USF1: variants seen among roughly 807,000 people sequenced by gnomAD.
USF1 encodes the protein upstream transcription factor 1.
In USF1, 22 loss-of-function variants were observed where a neutral mutation model predicts 46.3. The ratio of observed to expected loss-of-function variants is 0.47; its 90% CI spans 0.34 to 0.68. The LOEUF (loss-of-function observed/expected upper bound fraction) is 0.68, where lower values mean the gene tolerates loss of function less well. Among genes scored for constraint, USF1 ranks in the 30% least tolerant of loss-of-function variants. The probability of loss-of-function intolerance (pLI) is 0.01; values close to 1 mark genes in which losing one functional copy is unlikely to be tolerated. For missense variants in USF1, 287 were observed against 399.3 expected, an observed-to-expected ratio of 0.72 and a Z score of 2.40; for synonymous variants, 150 against 147.0, an observed-to-expected ratio of 1.02 and a Z score of -0.15.
At position 161,039,293 on chromosome 1, in the gene USF1, AAAAAAAAGAAAAG is replaced by A. The variant is rs1650407165; in HGVS notation, c.*614_*626del. 5.9e-6 allele frequency: 1 copy of A among 168,826 alleles called. No homozygotes were observed. The highest frequency in any genetic ancestry group is 1.2e-5 in the Non-Finnish European group (1 of 82,200). 10.5% of individuals were successfully genotyped at this position (168,826 alleles called of 1,614,324 possible). On this transcript the variant is annotated 3_prime_UTR_variant, in exon 11 of 11. Coordinates refer to ENST00000368021, the MANE Select transcript of USF1 (RefSeq NM_007122.5). ...ATCTTAAAAAAAAAAAAAAAAAAAAAAAAAAAAGAAAAGAAAAAAAAAAAACGACCCCCACAAG... is the reference window on the plus strand; with the variant it reads ...ATCTTAAAAAAAAAAAAAAAAAAAAAAAAAAAAAAAAACGACCCCCACAAG...
intron 1 of USF1, among the ~76,000 whole-genome samples, chr1:161,044,215 T>C (rs1650702577): frequency 6.6e-6 from 1 of 152,202 alleles, no homozygotes; most frequent in Non-Finnish European, 1.5e-5. Flanking sequence ...AGTGCTTGGA[T>C]TACAGGCATG....
Position 161,040,838 on chromosome 1 carries a change from T to C in USF1, c.595A>G (p.Lys199Glu). ...SEAPRTTRDE[K>E]RRAQHNEVER... ...CCTTCATTATGCTGAGCCCTGCGTT[T>C]CTCATCCCGAGTCGTCCGGGGAGCT... is the stretch of plus-strand genomic sequence containing the variant. The change falls in exon 8 of 11, where the codon AAA becomes GAA. Residue 199 changes from lysine (K) to glutamate (E), a missense_variant. By Grantham distance (56) the Lys-to-Glu change is moderately conservative. Transcript: ENST00000368021. This position sits in a 1 kb window ranked among gnomAD's most constrained non-coding sequence, Gnocchi z 4.0. The C allele has an allele frequency of 6.2e-7, 1 of 1,614,110 alleles. No homozygotes were observed. Among genetic ancestry groups the C allele is most frequent in the Non-Finnish European group, 8.5e-7 (1 of 1,180,012 alleles).
At position 161,042,124 on chromosome 1, in the gene USF1, T is replaced by A; in HGVS notation, c.268A>T (p.Met90Leu). Residue 90 changes from methionine to leucine, a missense_variant, in exon 5 of 11, where the codon ATG (methionine) becomes TTG (leucine). Physicochemically the swap from Met to Leu is conservative, Grantham distance 15. Transcript: ENST00000368021. The part of the protein sequence containing the change: ...AISGYPATQS[M>L]TQAVIQGAFT... ...CAGCCCATACCCTGTACCTGGGTCA[T>A]GGATTGAGTGGCAGGGTAGCCACTG... is the stretch of plus-strand genomic sequence containing the variant. 1 of 1,613,518 alleles carries A rather than the reference T, an allele frequency of 6.2e-7. No individual in the cohort carries two copies. The highest frequency in any genetic ancestry group is 8.5e-7 in the Non-Finnish European group (1 of 1,179,704).
In USF1 at chr1:161,040,183, C is replaced by T; in HGVS notation, c.843+19G>A. 11 of 1,613,680 alleles carry T rather than the reference C, an allele frequency of 6.8e-6. No individual in the cohort carries two copies. Among genetic ancestry groups the T allele is most frequent in the Admixed American group, 3.3e-5 (2 of 59,990 alleles). On this transcript the variant is annotated intron_variant, in intron 10 of 10. Coordinates refer to ENST00000368021, the MANE Select transcript of USF1 (RefSeq NM_007122.5). This position sits in a 1 kb window ranked among gnomAD's most constrained non-coding sequence, Gnocchi z 4.0. Reference sequence around the variant, plus strand: ...GCTAGCAGAACTGAGAAGGGCTGCACTGGGGGTAGGAGTCTGACCTGTTGT... The same window carrying T: ...GCTAGCAGAACTGAGAAGGGCTGCATTGGGGGTAGGAGTCTGACCTGTTGT...
intron 6 of USF1, 100 bp from the exon 7 acceptor site, chr1:161,041,511 A>G (rs1650559867): frequency 6.7e-7 from 1 of 1,486,226 alleles, no homozygotes; most frequent in African/African-American, 1.4e-5. Context: ...GAACATGCTA[A>G]TAGAAGAGCA....
intron 2 of USF1, among the ~76,000 whole-genome samples, 169 bp downstream of exon 2, chr1:161,043,099 T>C (rs1463508085): frequency 6.6e-6 from 1 of 152,178 alleles, no homozygotes; most frequent in Non-Finnish European, 1.5e-5. Flanking sequence ...CACCACGAGA[T>C]AGATAGCACT....
rs1238773417 is a variant in USF1, at chr1:161,043,327, G to T, written c.-52C>A. 1.2e-6 allele frequency: 2 copies of T among 1,614,034 alleles called. No individual in the cohort carries two copies. The highest frequency in any genetic ancestry group is 1.1e-5 in the South Asian group (1 of 91,058). Reference sequence around the variant, plus strand: ...AACTGGTCCTTTTTTGGAGGTCTTTGTATCTCCTGATTCACAGGCCTGAGT... The same window carrying T: ...AACTGGTCCTTTTTTGGAGGTCTTTTTATCTCCTGATTCACAGGCCTGAGT... On this transcript the variant is annotated 5_prime_UTR_variant, in exon 2 of 11. Coordinates refer to ENST00000368021, the MANE Select transcript of USF1 (RefSeq NM_007122.5).
In USF1 at chr1:161,039,875, G is replaced by T; in HGVS notation, c.*45C>A. The T allele has an allele frequency of 6.3e-7, 1 of 1,599,214 alleles. No homozygotes were observed. The highest frequency in any genetic ancestry group is 8.6e-7 in the Non-Finnish European group (1 of 1,167,378). ...GGCACGGGATTAGGCTGTTGCTCCTGGGCTATCTGCAGTTCTTGGGCCCAA... is the reference window on the plus strand; with the variant it reads ...GGCACGGGATTAGGCTGTTGCTCCTTGGCTATCTGCAGTTCTTGGGCCCAA... On this transcript the variant is annotated 3_prime_UTR_variant, in exon 11 of 11. Transcript: ENST00000368021.
At chr1:161,044,015 G>C (rs559042862) in intron 1 of USF1, among the ~76,000 whole-genome samples, 4 of 134,670 alleles carry the variant, frequency 3.0e-5, no homozygotes, top group Admixed American at 8.0e-5. Flanking sequence ...GCACAATCTC[G>C]GCTTACAACC....
chr1:161,045,596 G>C (rs1013007339), intron 1 of USF1, among the ~76,000 whole-genome samples: 3 of 152,324 alleles, frequency 2.0e-5, no homozygotes, highest in Admixed American at 1.3e-4. Context: ...TCGGGGACTA[G>C]GGAGCTCAAG....
chr1:161,043,921 G>T (rs6427573), intron 1 of USF1, among the ~76,000 whole-genome samples: 2 of 146,270 alleles, frequency 1.4e-5, no homozygotes, highest in Non-Finnish European at 3.0e-5. Flanking sequence ...CACTGCACCT[G>T]GCCGAAACAA....
chr1:161,045,702 A>G (rs1043262046), intron 1 of USF1, among the ~76,000 whole-genome samples, 156 bp downstream of exon 1: 5 of 152,254 alleles, frequency 3.3e-5, no homozygotes, highest in African/African-American at 1.2e-4. Context: ...CCCACAAAGC[A>G]GGGTATGAGA....
At chr1:161,045,587 C>CG (rs1479011862) in intron 1 of USF1, among the ~76,000 whole-genome samples, 1 of 152,166 alleles carries the variant, frequency 6.6e-6, no homozygotes, top group East Asian at 1.9e-4. Flanking sequence ...GAAAGGGCCT[C>CG]GGGGACTAGG....
In USF1 at chr1:161,040,859, G is replaced by T. The variant is rs779070700; in HGVS notation, c.574C>A (p.Pro192Thr). ...CGTTTCTCATCCCGAGTCGTCCGGG[G>T]AGCTTCTGACTTCCTGACAACAGAG... ...THPYSPKSEA[P>T]RTTRDEKRRA... is the part of the protein sequence containing the mutation. The change falls in exon 8 of 11, where the codon CCC becomes ACC. Residue 192 changes from proline to threonine, a missense_variant. Transcript: ENST00000368021. The surrounding 1 kb of genome is among the most constrained non-coding windows in gnomAD (Gnocchi z 4.0). 3.0e-5 allele frequency: 49 copies of T among 1,613,960 alleles called. No individual in the cohort carries two copies. The highest frequency in any genetic ancestry group is 4.1e-5 in the Non-Finnish European group (48 of 1,180,014).
rs930791404 is a variant in USF1, at chr1:161,040,028, A to T, written c.844-19T>A. 6 of 1,614,026 alleles carry T rather than the reference A, an allele frequency of 3.7e-6. No individual in the cohort carries two copies. The Admixed American group carries it at 8.3e-5, about 22-fold the overall frequency. ...CTTCCACCTGACATGGGAAGGAGGC[A>T]GTAAAGGGAATGGGTAGTAAAGCTG... On this transcript the variant is annotated intron_variant, in intron 10 of 10. Transcript: ENST00000368021. This position sits in a 1 kb window ranked among gnomAD's most constrained non-coding sequence, Gnocchi z 4.0.
chr1:161,040,547 C>T lies in USF1; in HGVS notation c.714+29G>A, dbSNP rs1398258035. The stretch of plus-strand genomic sequence containing the variant: ...ATACCAGGAGGCAGAATTCAGGCAT[C>T]CTGCCCACTACCAGGGTCTTTCCAT... On this transcript the variant is annotated intron_variant, in intron 9 of 10. Transcript: ENST00000368021. The surrounding 1 kb of genome is among the most constrained non-coding windows in gnomAD (Gnocchi z 4.0). 1 of 1,603,704 alleles carries T rather than the reference C, an allele frequency of 6.2e-7. No individual in the cohort carries two copies. Among genetic ancestry groups the T allele is most frequent in the Admixed American group, 1.7e-5 (1 of 58,484 alleles).
chr1:161,044,467 C>G (rs1255964928), intron 1 of USF1, among the ~76,000 whole-genome samples: 1 of 152,156 alleles, frequency 6.6e-6, no homozygotes, highest in Non-Finnish European at 1.5e-5. Flanking sequence ...GAAGAATATC[C>G]CTGACCACAA....
chr1:161,039,903 C>G lies in USF1; in HGVS notation c.*17G>C. The G allele has an allele frequency of 1.2e-6, 2 of 1,613,890 alleles. No individual in the cohort carries two copies. The highest frequency in any genetic ancestry group is 2.2e-5 in the East Asian group (1 of 44,890). On this transcript the variant is annotated 3_prime_UTR_variant, in exon 11 of 11. Coordinates refer to ENST00000368021, the MANE Select transcript of USF1 (RefSeq NM_007122.5). Reference sequence around the variant, plus strand: ...CTATCTGCAGTTCTTGGGCCCAAAGCCCCTGAATCCCCATAGTTAGTTGCT... The same window carrying G: ...CTATCTGCAGTTCTTGGGCCCAAAGGCCCTGAATCCCCATAGTTAGTTGCT...
In USF1 at chr1:161,041,421, T is replaced by C. The variant is rs373104960; in HGVS notation, c.473-10A>G. On this transcript the variant is annotated splice_polypyrimidine_tract_variant and intron_variant, in intron 6 of 10. Coordinates refer to ENST00000368021, the MANE Select transcript of USF1 (RefSeq NM_007122.5). ...ATCACAAAGAATTGACCTGTGAAGA[T>C]GCAGGGTAGGTTCTGTCAGGACATG... 5.6e-6 allele frequency: 9 copies of C among 1,613,146 alleles called. No individual in the cohort carries two copies. Among genetic ancestry groups the C allele is most frequent in the Non-Finnish European group, 6.8e-6 (8 of 1,179,776 alleles).
Sources: allele counts gnomAD v4.1 joint callset (sites outside exome capture counted in the v4.1 genomes callset), GRCh38; gene constraint gnomAD v4.1.1; non-coding constraint Gnocchi (gnomAD v3.1); transcripts MANE v1.5; gene names NCBI Gene and HGNC (gene_info 2026-07-23, HGNC 2026-07-21).